B4GALT4: variants seen among roughly 807,000 people sequenced by gnomAD.
The protein encoded by B4GALT4 is beta-1,4-galactosyltransferase 4.
Under a neutral mutation model 37.3 loss-of-function variants are expected in B4GALT4, and 27 were observed. The observed-to-expected ratio is 0.72, with a 90% CI of 0.53 to 1.00. B4GALT4 has a LOEUF of 1.00. B4GALT4 is among the 50% of genes least tolerant of loss of function. The probability of loss-of-function intolerance (pLI) is 0.00; values close to 1 mark genes in which losing one functional copy is unlikely to be tolerated. For synonymous variants in B4GALT4, 148 were observed against 154.1 expected (o/e 0.96, Z 0.29); for missense variants, 372 against 413.1 (o/e 0.90, Z 0.86).
intron 5 of B4GALT4, among the ~76,000 whole-genome samples, chr3:119,222,618 T>G (rs1231683141): frequency 4.6e-5 from 7 of 152,220 alleles, no homozygotes. Flanking sequence ...AAGGCCTGCG[T>G]AATCTGGCTC....
In B4GALT4 at chr3:119,212,572, C is replaced by T. The variant is rs1275618729; in HGVS notation, c.1012G>A (p.Val338Met). Residue 338 changes from valine to methionine, a missense_variant, in exon 8 of 8, where the codon GTG (valine) becomes ATG (methionine). Val to Met is a conservative substitution (Grantham distance 21, BLOSUM62 1). Coordinates refer to ENST00000393765, the MANE Select transcript of B4GALT4 (RefSeq NM_003778.4). Reference protein sequence around the residue: ...EHNPLYINITVDFWFGA With the variant: ...EHNPLYINITMDFWFGA ...GGTCATGCACCAAACCAGAAATCCA[C>T]TGTGATGTTGATATATAAAGGATTG... The T allele has an allele frequency of 6.2e-7, 1 of 1,605,162 alleles. No homozygotes were observed.
chr3:119,212,875 C>T (rs1229593876), intron 7 of B4GALT4, 194 bp from the exon 8 acceptor site: 13 of 540,444 alleles, frequency 2.4e-5, no homozygotes, highest in Non-Finnish European at 3.5e-5. Context: ...TCAGACTCCA[C>T]GTGAGAACCC....
chr3:119,214,119 T>G (rs984815751), intron 7 of B4GALT4: 6 of 152,082 alleles, frequency 3.9e-5, no homozygotes, highest in African/African-American at 1.4e-4. Context: ...CCCAGCTACT[T>G]GGGAGGCTGA....
In B4GALT4 at chr3:119,230,182, G is replaced by A; in HGVS notation, c.-83C>T. The A allele has an allele frequency of 6.5e-7, 1 of 1,534,606 alleles. No homozygotes were observed. Among genetic ancestry groups the A allele is most frequent in the African/African-American group, 1.4e-5 (1 of 72,542 alleles). On this transcript the variant is annotated 5_prime_UTR_variant, in exon 3 of 8. Transcript: ENST00000393765. ...CAAGTTGAGCTTTTCCAATCTGATT[G>A]CGAACTTGATGACAACTGAAGATAC...
chr3:119,228,997 T>G (rs1315524320), intron 3 of B4GALT4, among the ~76,000 whole-genome samples: 2 of 151,656 alleles, frequency 1.3e-5, no homozygotes, highest in Non-Finnish European at 2.9e-5. Flanking sequence ...TTAAGACTAA[T>G]TTACTGTTTA....
At position 119,217,768 on chromosome 3, in the gene B4GALT4, G is replaced by A. The variant is rs540727322; in HGVS notation, c.797+882C>T. On this transcript the variant is annotated intron_variant, in intron 6 of 7. Transcript: ENST00000393765. The stretch of plus-strand genomic sequence containing the variant: ...TGAGGCTGGAGAATCACTCAAACCC[G>A]GGAGGCAGAGGTTGCGGTGAGTCGA... Among the ~76,000 whole-genome samples, 9 of 149,632 alleles carry A rather than the reference G, an allele frequency of 6.0e-5. No individual in the cohort carries two copies. The South Asian group carries it at 1.1e-3, about 18-fold the overall frequency.
chr3:119,219,366 A>G (rs958470830), intron 5 of B4GALT4, among the ~76,000 whole-genome samples: 7 of 152,234 alleles, frequency 4.6e-5, no homozygotes, highest in Admixed American at 3.9e-4. Flanking sequence ...CCTGCCAACC[A>G]GACAGAGTCT....
intron 3 of B4GALT4, among the ~76,000 whole-genome samples, chr3:119,228,815 TAAAG>T (rs2078711315): frequency 6.6e-6 from 1 of 151,834 alleles, no homozygotes. Flanking sequence ...CAGGTGGGAT[TAAAG>T]CACTTATAAA....
rs913477669 is a variant in B4GALT4 at position 119,212,196 on chromosome 3, G to A, written c.*353C>T. 10 of 702,890 alleles carry A rather than the reference G, an allele frequency of 1.4e-5. No homozygotes were observed. Among genetic ancestry groups the A allele is most frequent in the Non-Finnish European group, 2.6e-5 (10 of 385,022 alleles). The allele number at this position is 702,890 out of a possible 1,614,324, so 43.5% of individuals were successfully genotyped here. On this transcript the variant is annotated 3_prime_UTR_variant, in exon 8 of 8. Coordinates refer to ENST00000393765, the MANE Select transcript of B4GALT4 (RefSeq NM_003778.4). ...CAGACATTCAGCAGTCTTATTTCCT[G>A]TGGCCTTTTATCCCATAATATATTA...
intron 4 of B4GALT4, 102 bp downstream of exon 4, chr3:119,226,707 G>C: frequency 5.2e-6 from 5 of 959,882 alleles, no homozygotes; most frequent in Non-Finnish European, 7.7e-6. Context: ...TTTGATGATA[G>C]TCTGATGTTC....
chr3:119,224,038 C>T lies in B4GALT4; in HGVS notation c.674+20G>A, dbSNP rs746584119. ...AGTTGAGCTTCTCGACCTAAGCCAC[C>T]CTCAGCAGAACCACCTTACCTGTAC... On this transcript the variant is annotated intron_variant, in intron 5 of 7. Transcript: ENST00000393765. 6.3e-7 allele frequency: 1 copy of T among 1,592,948 alleles called. No individual in the cohort carries two copies. The highest frequency in any genetic ancestry group is 1.1e-5 in the South Asian group (1 of 87,090).
chr3:119,212,444 T>C lies in B4GALT4; in HGVS notation c.*105A>G. ...AAAAAGGAAAAATTCAGCTCAACAA[T>C]GAGCTGTAACAGGTTCTTAATGTGT... On this transcript the variant is annotated 3_prime_UTR_variant, in exon 8 of 8. Coordinates refer to ENST00000393765, the MANE Select transcript of B4GALT4 (RefSeq NM_003778.4). The C allele has an allele frequency of 8.5e-7, 1 of 1,178,404 alleles. No individual in the cohort carries two copies. 73.0% of individuals were successfully genotyped at this position (1,178,404 alleles called of 1,614,324 possible).
intron 2 of B4GALT4, among the ~76,000 whole-genome samples, chr3:119,232,134 A>G (rs2078843624): frequency 6.6e-6 from 1 of 152,104 alleles, no homozygotes; most frequent in African/African-American, 2.4e-5. Flanking sequence ...AATGCTATAG[A>G]TGAAAAGGGA....
intron 5 of B4GALT4, among the ~76,000 whole-genome samples, chr3:119,221,791 G>A (rs1473339308): frequency 1.3e-5 from 2 of 152,160 alleles, no homozygotes; most frequent in Admixed American, 6.5e-5. Flanking sequence ...TCGATCAAAA[G>A]GGGAAACACA....
chr3:119,227,181 T>G (rs1235528031), intron 3 of B4GALT4, 140 bp from the exon 4 acceptor site: 1 of 735,862 alleles, frequency 1.4e-6, no homozygotes, highest in Non-Finnish European at 2.2e-6. Flanking sequence ...ATGATTACTT[T>G]AAAGGCTCAT....
At position 119,218,724 on chromosome 3, in the gene B4GALT4, C is replaced by T; in HGVS notation, c.723G>A (p.Glu241=). Residue 241 remains glutamate, a synonymous_variant, in exon 6 of 8, where the codon GAG becomes GAA. Coordinates refer to ENST00000393765, the MANE Select transcript of B4GALT4 (RefSeq NM_003778.4). ...YFGGVTALSR[E]QFFKVNGFSN... is the part of the protein sequence containing the mutation. ...AGAATCCATTCACCTTGAAAAACTGCTCTCTGCTTAGGGCAGTAACACCCC... is the reference window on the plus strand; with the variant it reads ...AGAATCCATTCACCTTGAAAAACTGTTCTCTGCTTAGGGCAGTAACACCCC... 6.2e-7 allele frequency: 1 copy of T among 1,614,162 alleles called. No individual in the cohort carries two copies. Among genetic ancestry groups the T allele is most frequent in the African/African-American group, 1.3e-5 (1 of 75,040 alleles).
chr3:119,226,523 G>C (rs571436698), intron 4 of B4GALT4: 18 of 418,408 alleles, frequency 4.3e-5, no homozygotes, highest in African/African-American at 3.6e-4. Context: ...GGAAGCCTCC[G>C]GGGAAATCTG....
chr3:119,226,451 A>G (rs1029126589), intron 4 of B4GALT4: 3 of 253,302 alleles, frequency 1.2e-5, no homozygotes, highest in East Asian at 1.0e-4. Context: ...TGATAATGAC[A>G]GACAATTCCA....
At chr3:119,233,772 A>G (rs1002434971) in intron 2 of B4GALT4, among the ~76,000 whole-genome samples, 11 of 152,202 alleles carry the variant, frequency 7.2e-5, no homozygotes, top group African/African-American at 2.7e-4. Context: ...CTTCATTACT[A>G]ATCCTGCTTC....
Sources: gnomAD v4.1 joint callset for allele counts (sites outside exome capture counted in the v4.1 genomes callset) on GRCh38, gnomAD v4.1.1 for gene constraint, MANE v1.5 for transcripts, NCBI Gene and HGNC (gene_info 2026-07-23, HGNC 2026-07-21) for gene names.